Variants in KAZN observed in about 807,000 individuals in gnomAD.
KAZN encodes the protein kazrin.
KAZN carries 40 observed loss-of-function variants against 87.4 expected under a neutral mutation model. The observed-to-expected ratio is 0.46, with a 90% CI of 0.36 to 0.60. The LOEUF (loss-of-function observed/expected upper bound fraction) is 0.60. Ranked by LOEUF, KAZN falls within the 20% of genes least tolerant of loss-of-function variation. The pLI, the probability that KAZN is intolerant of heterozygous loss-of-function variation, is 0.00. For synonymous variants in KAZN, 466 were observed against 458.3 expected, an observed-to-expected ratio of 1.02 and a Z score of -0.22; for missense variants, 898 against 1,073.9, an observed-to-expected ratio of 0.84 and a Z score of 2.29.
In KAZN at chr1:14,808,290, CTTTTTTTTTT is replaced by C. The variant is rs57548450; in HGVS notation, c.227-152380_227-152371del. Among the ~76,000 whole-genome samples the C allele has an allele frequency of 9.1e-5, 8 of 88,094 alleles. No individual in the cohort carries two copies. In the East Asian group the frequency reaches 1.0e-3, roughly 11 times the overall value. The allele number at this position is 88,094 out of a possible 152,430, so 57.8% of individuals were successfully genotyped here. Reference sequence around the variant, plus strand: ...ACATTGTTCCAGATTAAAGAGGTTTCTTTTTTTTTTTTTTTTTTTTTTTGAGATGGCGTCT... The same window carrying C: ...ACATTGTTCCAGATTAAAGAGGTTTCTTTTTTTTTTTTTGAGATGGCGTCT... On this transcript the variant is annotated intron_variant, in intron 1 of 14. Coordinates refer to ENST00000376030, the MANE Select transcript of KAZN (RefSeq NM_201628.3).
intron 1 of KAZN, among the ~76,000 whole-genome samples, chr1:14,094,585 A>G (rs1276002589): frequency 1.3e-5 from 2 of 152,236 alleles, no homozygotes; most frequent in Non-Finnish European, 2.9e-5. Context: ...AAAATTTCCA[A>G]AAAATATATT....
intron 2 of KAZN, among the ~76,000 whole-genome samples, chr1:14,398,691 T>C (rs1663110637): frequency 6.6e-6 from 1 of 152,164 alleles, no homozygotes; most frequent in Admixed American, 6.5e-5. Context: ...GATGACTCTT[T>C]TCTATCTTCT....
chr1:14,087,650 T>G (rs1445280622), intron 1 of KAZN, among the ~76,000 whole-genome samples: 1 of 151,972 alleles, frequency 6.6e-6, no homozygotes, highest in Non-Finnish European at 1.5e-5. Flanking sequence ...TGCTGAGAGT[T>G]TTTTTTATCA....
intron 1 of KAZN, among the ~76,000 whole-genome samples, chr1:14,731,945 G>T (rs185695127): frequency 6.6e-6 from 1 of 152,222 alleles, no homozygotes; most frequent in African/African-American, 2.4e-5. Context: ...CTCAAGAAGC[G>T]ACAGACTTGC....
intron 1 of KAZN, among the ~76,000 whole-genome samples, chr1:14,764,784 G>A (rs1644844389): frequency 1.3e-5 from 2 of 152,292 alleles, no homozygotes; most frequent in East Asian, 1.9e-4. Context: ...ACAGGCAGAG[G>A]CCAGAGGGAA....
At chr1:14,218,215 G>A (rs374741969) in intron 2 of KAZN, among the ~76,000 whole-genome samples, 11 of 152,076 alleles carry the variant, frequency 7.2e-5, no homozygotes, top group African/African-American at 2.4e-4. Context: ...TCAGTATTCT[G>A]GCATGGAAGA....
intron 2 of KAZN, among the ~76,000 whole-genome samples, chr1:14,418,885 G>A (rs1319733482): frequency 2.6e-5 from 4 of 152,204 alleles, no homozygotes; most frequent in African/African-American, 7.2e-5. Flanking sequence ...ATGAAAATAA[G>A]GCTTCTGCAT....
chr1:14,988,897 C>T (rs770552883), intron 2 of KAZN, among the ~76,000 whole-genome samples: 1 of 152,348 alleles, frequency 6.6e-6, no homozygotes, highest in Admixed American at 6.5e-5. Flanking sequence ...CCACTGCATG[C>T]GAGACCACCT....
Position 14,423,817 on chromosome 1 carries a change from T to C in KAZN, c.250-175166T>C, listed in dbSNP as rs192490527. Among the ~76,000 whole-genome samples, 6 of 152,278 alleles carry C rather than the reference T, an allele frequency of 3.9e-5. No individual in the cohort carries two copies. In the East Asian group the frequency reaches 9.6e-4, roughly 24 times the overall value. ...TCTCCTGGGACTTTTGCTGGAACTT[T>C]TGGGGAAGATACAAATTCTCCTCTG... On this transcript the variant is annotated intron_variant, in intron 2 of 16. Coordinates refer to the KAZN transcript ENST00000636203.
At chr1:14,251,364 C>T (rs1650013802) in intron 2 of KAZN, among the ~76,000 whole-genome samples, 1 of 152,198 alleles carries the variant, frequency 6.6e-6, no homozygotes. Context: ...GTCCTTGCAC[C>T]ATCTCCAGGA....
chr1:14,778,804 A>T (rs1479153073), intron 1 of KAZN, among the ~76,000 whole-genome samples: 1 of 152,154 alleles, frequency 6.6e-6, no homozygotes, highest in Non-Finnish European at 1.5e-5. Flanking sequence ...AGAATTCTGT[A>T]AGTCAAGAAT....
intron 2 of KAZN, among the ~76,000 whole-genome samples, chr1:14,409,446 T>G (rs1664126323): frequency 6.6e-6 from 1 of 152,202 alleles, no homozygotes; most frequent in Admixed American, 6.5e-5. Flanking sequence ...TTCCTTGATG[T>G]AGATTCTGTT....
chr1:14,284,505 A>C (rs370358521), intron 2 of KAZN, among the ~76,000 whole-genome samples: 10 of 145,652 alleles, frequency 6.9e-5, no homozygotes, highest in African/African-American at 2.4e-4. Flanking sequence ...GAGAGCAAGG[A>C]GTGAGAGGAT....
chr1:14,099,524 CA>C (rs1455716477), intron 1 of KAZN, among the ~76,000 whole-genome samples: 1 of 152,106 alleles, frequency 6.6e-6, no homozygotes, highest in African/African-American at 2.4e-5. Flanking sequence ...TGCTACCTGC[CA>C]CCCATCAGGA....
At chr1:14,662,737 G>T (rs1287987356) in intron 1 of KAZN, among the ~76,000 whole-genome samples, 7 of 151,410 alleles carry the variant, frequency 4.6e-5, no homozygotes, top group African/African-American at 1.7e-4. Flanking sequence ...GTGTGTTGGG[G>T]AAGGGAGGGA....
At chr1:14,337,605 A>C (rs1051520065) in intron 2 of KAZN, among the ~76,000 whole-genome samples, 3 of 152,150 alleles carry the variant, frequency 2.0e-5, no homozygotes, top group Non-Finnish European at 4.4e-5. Flanking sequence ...TTTTAAGAGA[A>C]GCCTCCTTGG....
chr1:14,693,653 G>A (rs780081764), intron 1 of KAZN, among the ~76,000 whole-genome samples: 44 of 152,274 alleles, frequency 2.9e-4, no homozygotes, highest in African/African-American at 4.8e-4. Context: ...TGTGTTGTGC[G>A]TGATTCAGCT....
intron 2 of KAZN, among the ~76,000 whole-genome samples, chr1:14,492,447 T>A (rs1244190386): frequency 1.3e-5 from 2 of 151,718 alleles, no homozygotes; most frequent in African/African-American, 2.4e-5. Flanking sequence ...TTGTAGGTGC[T>A]GGGAAATCAA....
intron 2 of KAZN, among the ~76,000 whole-genome samples, chr1:14,514,637 A>ATC (rs1671207000): frequency 4.7e-5 from 3 of 64,408 alleles, no homozygotes; most frequent in African/African-American, 1.7e-4. Flanking sequence ...ATATATATAT[A>ATC]TATCTCAAAT....
Sources: gnomAD v4.1 joint callset for allele counts (sites outside exome capture counted in the v4.1 genomes callset) on GRCh38, gnomAD v4.1.1 for gene constraint, MANE v1.5 for transcripts, NCBI Gene and HGNC (gene_info 2026-07-23, HGNC 2026-07-21) for gene names.